Variants in RAI14 observed in about 807,000 individuals in gnomAD.
RAI14 encodes retinoic acid induced 14.
In RAI14, 45 loss-of-function variants were observed where a neutral mutation model predicts 115.4. The ratio of observed to expected loss-of-function variants is 0.39; its 90% confidence interval spans 0.31 to 0.50. RAI14 has a LOEUF of 0.50. RAI14 is among the 20% of genes least tolerant of loss of function. The pLI is 0.85. For synonymous variants in RAI14, 371 were observed against 415.4 expected (o/e 0.89, Z 1.30); for missense variants, 939 against 1,131.2 (o/e 0.83, Z 2.44).
intron 3 of RAI14, among the ~76,000 whole-genome samples, chr5:34,763,942 C>T (rs1221994838): frequency 6.6e-6 from 1 of 152,160 alleles, no homozygotes; most frequent in Admixed American, 6.5e-5. Context: ...CCTCCTGCTT[C>T]CTGGGTTCAA....
At chr5:34,680,077 T>A (rs1013643497) in intron 1 of RAI14, among the ~76,000 whole-genome samples, 1 of 152,160 alleles carries the variant, frequency 6.6e-6, no homozygotes. Flanking sequence ...AAGTAGGTAG[T>A]CTGAGATGTA....
chr5:34,701,386 C>T (rs967141828), intron 2 of RAI14, among the ~76,000 whole-genome samples: 2 of 151,870 alleles, frequency 1.3e-5, no homozygotes, highest in African/African-American at 4.8e-5. Context: ...TCTTCCAGAC[C>T]CTCCCAAATT....
chr5:34,762,892 A>T (rs992408562), intron 3 of RAI14, among the ~76,000 whole-genome samples: 3 of 151,578 alleles, frequency 2.0e-5, no homozygotes, highest in Non-Finnish European at 4.4e-5. Context: ...AACAAATACC[A>T]CCTGGGCATG....
intron 2 of RAI14, among the ~76,000 whole-genome samples, chr5:34,727,993 G>A (rs995365530): frequency 6.6e-5 from 10 of 152,152 alleles, no homozygotes; most frequent in African/African-American, 1.2e-4. Context: ...CGTGCACCTG[G>A]GAAAGCCACA....
At position 34,827,953 on chromosome 5, in the gene RAI14, G is replaced by A. The variant is rs954374076; in HGVS notation, c.2799+1474G>A. On this transcript the variant is annotated intron_variant, in intron 16 of 17. Coordinates refer to ENST00000265109, the MANE Select transcript of RAI14 (RefSeq NM_015577.3). The surrounding 1 kb of genome is among the most constrained non-coding windows in gnomAD (Gnocchi z 4.2). Reference sequence around the variant, plus strand: ...TGCTGAGTCATGAAAAGGTTCCTACGGGAGTTACACTTGTGCTGAGTCTTG... The same window carrying A: ...TGCTGAGTCATGAAAAGGTTCCTACAGGAGTTACACTTGTGCTGAGTCTTG... Among the ~76,000 whole-genome samples the A allele has an allele frequency of 7.9e-5, 12 of 152,170 alleles. No homozygotes were observed. Among genetic ancestry groups the A allele is most frequent in the South Asian group, 2.1e-4 (1 of 4,830 alleles).
intron 2 of RAI14, among the ~76,000 whole-genome samples, chr5:34,722,456 T>C (rs1255958046): frequency 6.6e-6 from 1 of 151,744 alleles, no homozygotes; most frequent in African/African-American, 2.4e-5. Context: ...TCTGTGGGAT[T>C]TTGTAATGGC....
intron 2 of RAI14, among the ~76,000 whole-genome samples, chr5:34,688,890 T>G (rs776376371): frequency 1.1e-3 from 165 of 151,984 alleles, no homozygotes; most frequent in Non-Finnish European, 1.7e-3. Flanking sequence ...ACTAAGCTTT[T>G]CATGTGAAAT....
At chr5:34,816,050 T>C (rs956575682) in intron 12 of RAI14, among the ~76,000 whole-genome samples, 4 of 152,226 alleles carry the variant, frequency 2.6e-5, no homozygotes, top group African/African-American at 9.6e-5. Context: ...CAGGAACTTC[T>C]CTATTTATAA....
intron 2 of RAI14, among the ~76,000 whole-genome samples, chr5:34,739,265 G>A (rs369776522): frequency 2.0e-4 from 30 of 152,142 alleles, no homozygotes; most frequent in East Asian, 9.6e-4. Context: ...TTATTATCTC[G>A]TGTCTTGCAG....
intron 2 of RAI14, among the ~76,000 whole-genome samples, chr5:34,746,991 C>T (rs1222889273): frequency 2.0e-5 from 3 of 152,170 alleles, no homozygotes; most frequent in Non-Finnish European, 4.4e-5. Flanking sequence ...TTCCCACTGC[C>T]ATGTAAGAAG....
intron 2 of RAI14, among the ~76,000 whole-genome samples, chr5:34,725,897 G>A (rs968044867): frequency 1.3e-5 from 2 of 150,260 alleles, no homozygotes; most frequent in Admixed American, 1.3e-4. Context: ...GGAAGGCAGA[G>A]GCTGCAGTGA....
chr5:34,824,348 G>GA lies in RAI14; in HGVS notation c.2510dup (p.Asn837LysfsTer15). Reference sequence around the variant, plus strand: ...GGTCTCACAGGTGAAAAGAGAAAAGGAAAATATTCAGACTCTCTTGAAATC... The same window carrying GA: ...GGTCTCACAGGTGAAAAGAGAAAAGGAAAAATATTCAGACTCTCTTGAAATC... On this transcript the variant is annotated frameshift_variant, in exon 15 of 18. Coordinates refer to ENST00000265109, the MANE Select transcript of RAI14 (RefSeq NM_015577.3). LOFTEE classifies it high-confidence loss of function. The GA allele has an allele frequency of 6.2e-7, 1 of 1,613,860 alleles. No homozygotes were observed. The highest frequency in any genetic ancestry group is 8.5e-7 in the Non-Finnish European group (1 of 1,179,758).
chr5:34,732,439 ATT>A (rs369302342), intron 2 of RAI14, among the ~76,000 whole-genome samples: 2,289 of 133,834 alleles, frequency 0.017, 44 homozygotes, highest in African/African-American at 0.045. Context: ...ACCATGCTTG[ATT>A]TTTTTTTTTT....
At chr5:34,797,441 G>GTT (rs35792211) in intron 4 of RAI14, among the ~76,000 whole-genome samples, 18 of 150,818 alleles carry the variant, frequency 1.2e-4, no homozygotes, top group East Asian at 9.8e-4. Context: ...TGAGAATAGG[G>GTT]TTTTTTTTTA....
At chr5:34,795,307 A>G (rs1377317043) in intron 3 of RAI14, among the ~76,000 whole-genome samples, 1 of 152,210 alleles carries the variant, frequency 6.6e-6, no homozygotes, top group African/African-American at 2.4e-5. Context: ...GACACTTGCC[A>G]TCTAATGGAG....
intron 12 of RAI14, among the ~76,000 whole-genome samples, chr5:34,817,272 C>CAAAAAA (rs34084798): frequency 1.0e-5 from 1 of 97,146 alleles, no homozygotes; most frequent in Non-Finnish European, 2.0e-5. Context: ...CACTCCATCT[C>CAAAAAA]AAAAAAAAAA....
Position 34,752,741 on chromosome 5 carries a change from GTGTGTGTGTA to G in RAI14, c.37-4725_37-4716del, listed in dbSNP as rs1747250756. Reference sequence around the variant, plus strand: ...TGTGTGTGTGTGTGTGTGTGTGTGTGTGTGTGTGTATATATATATATATATGTATCTTTTC... The same window carrying G: ...TGTGTGTGTGTGTGTGTGTGTGTGTGTATATATATATATATGTATCTTTTC... On this transcript the variant is annotated intron_variant, in intron 2 of 17. Transcript: ENST00000265109. Among the ~76,000 whole-genome samples the G allele has an allele frequency of 1.4e-4, 14 of 99,552 alleles. 1 individual carries two copies. Among genetic ancestry groups the G allele is most frequent in the African/African-American group, 4.3e-4 (10 of 23,224 alleles). 65.3% of individuals were successfully genotyped at this position (99,552 alleles called of 152,430 possible).
At chr5:34,815,568 A>G (rs1580350409) in intron 12 of RAI14, among the ~76,000 whole-genome samples, 1 of 152,100 alleles carries the variant, frequency 6.6e-6, no homozygotes, top group Non-Finnish European at 1.5e-5. Context: ...TGTGGTGGGG[A>G]GCAGGGACAA....
intron 3 of RAI14, among the ~76,000 whole-genome samples, chr5:34,792,514 G>A (rs370542538): frequency 9.2e-5 from 14 of 152,258 alleles, no homozygotes; most frequent in African/African-American, 7.2e-5. Context: ...GATTACAGGC[G>A]TAAGCCACTG....
Sources: gnomAD v4.1 joint callset for allele counts (sites outside exome capture counted in the v4.1 genomes callset) on GRCh38, gnomAD v4.1.1 for gene constraint, Gnocchi (gnomAD v3.1) non-coding constraint, MANE v1.5 for transcripts, NCBI Gene and HGNC (gene_info 2026-07-23, HGNC 2026-07-21) for gene names.